Variants in ANKS1B observed in about 807,000 individuals in gnomAD.
The protein encoded by ANKS1B is ankyrin repeat and sterile alpha motif domain-containing protein 1B.
Under a neutral mutation model 148.3 loss-of-function variants are expected in ANKS1B, and 36 were observed. That is an observed-to-expected ratio of 0.24 (90% CI 0.19 to 0.32). ANKS1B has a LOEUF of 0.32. Among genes scored for constraint, ANKS1B ranks in the 10% least tolerant of loss-of-function variants. The pLI is 1.00. For synonymous variants in ANKS1B, 542 were observed against 560.8 expected (o/e 0.97, Z 0.47); for missense variants, 1,157 against 1,542.6 (o/e 0.75, Z 4.19).
intron 12 of ANKS1B, among the ~76,000 whole-genome samples, chr12:99,344,725 T>A (rs530779067): frequency 6.6e-6 from 1 of 152,188 alleles, no homozygotes; most frequent in East Asian, 1.9e-4. Context: ...GCAAATTATA[T>A]TTGCATATGA....
At chr12:99,887,118 G>A (rs34752967) in intron 1 of ANKS1B, among the ~76,000 whole-genome samples, 25,607 of 152,096 alleles carry the variant, frequency 0.17, 2,724 homozygotes, top group Non-Finnish European at 0.24. Flanking sequence ...TCCTTGATGG[G>A]TCAGTAACTG....
At position 99,246,269 on chromosome 12, in the gene ANKS1B, G is replaced by T. The variant is rs2073878540; in HGVS notation, c.2346+6C>A. The T allele has an allele frequency of 5.8e-6, 9 of 1,552,774 alleles. No homozygotes were observed. Among genetic ancestry groups the T allele is most frequent in the Middle Eastern group, 1.7e-4 (1 of 5,786 alleles). On this transcript the variant is annotated splice_donor_region_variant and intron_variant, in intron 13 of 26. Coordinates refer to ENST00000683438, the MANE Select transcript of ANKS1B (RefSeq NM_001352186.2). ...TAGGATGAACAGCAAGAAGAACAAA[G>T]CTTACTTCTTCCCATTCCGATGTGA... is the stretch of plus-strand genomic sequence containing the variant.
At chr12:99,125,207 G>A (rs775130290) in intron 15 of ANKS1B, among the ~76,000 whole-genome samples, 16 of 152,102 alleles carry the variant, frequency 1.1e-4, no homozygotes, top group Admixed American at 8.5e-4. Context: ...GACAAGAGGG[G>A]CCACATAGTT....
chr12:99,806,450 G>T lies in ANKS1B; in HGVS notation c.623C>A (p.Ala208Glu). ...TGCCTCCAGCAGCACCTGCACGACTGCTTTGTGGCCATTGCGCGCAGCAAG... is the reference window on the plus strand; with the variant it reads ...TGCCTCCAGCAGCACCTGCACGACTTCTTTGTGGCCATTGCGCGCAGCAAG... ...LHLAARNGHK[A>E]VVQVLLEAGM... The change falls in exon 4 of 27, where the codon GCA becomes GAA. Residue 208 changes from alanine (A) to glutamate (E), a missense_variant. Ala to Glu is a moderately radical substitution (Grantham distance 107). Coordinates refer to ENST00000683438, the MANE Select transcript of ANKS1B (RefSeq NM_001352186.2). The T allele has an allele frequency of 6.2e-7, 1 of 1,613,978 alleles. No individual in the cohort carries two copies. The highest frequency in any genetic ancestry group is 8.5e-7 in the Non-Finnish European group (1 of 1,179,880).
intron 14 of ANKS1B, among the ~76,000 whole-genome samples, chr12:99,237,883 C>A (rs1398884902): frequency 6.6e-6 from 1 of 152,206 alleles, no homozygotes; most frequent in African/African-American, 2.4e-5. Context: ...TCCCGAGTAC[C>A]TGGGACTACA....
chr12:99,570,324 C>A (rs2097439300), intron 9 of ANKS1B, among the ~76,000 whole-genome samples: 1 of 147,576 alleles, frequency 6.8e-6, no homozygotes, highest in African/African-American at 2.5e-5. Context: ...TGTTCTTGAG[C>A]TTTATAATAC....
intron 11 of ANKS1B, among the ~76,000 whole-genome samples, chr12:99,430,897 G>A (rs1160807864): frequency 1.3e-5 from 2 of 152,124 alleles, no homozygotes; most frequent in Non-Finnish European, 2.9e-5. Flanking sequence ...AAAAAGTATG[G>A]CATTTGGTTT....
intron 22 of ANKS1B, chr12:98,795,100 C>T: frequency 1.8e-6 from 1 of 560,328 alleles, no homozygotes; most frequent in Non-Finnish European, 3.2e-6. Context: ...ATTTTTCCTA[C>T]CTTGCCATCT....
At chr12:99,808,174 G>C (rs1305392443) in intron 3 of ANKS1B, among the ~76,000 whole-genome samples, 1 of 152,052 alleles carries the variant, frequency 6.6e-6, no homozygotes, top group Non-Finnish European at 1.5e-5. Flanking sequence ...ACCGAGAATA[G>C]GGAGTAGCTG....
chr12:99,633,787 C>G (rs528269052), intron 9 of ANKS1B, among the ~76,000 whole-genome samples: 71 of 152,176 alleles, frequency 4.7e-4, no homozygotes, highest in African/African-American at 1.6e-3. Context: ...AACAAATTTA[C>G]AAGAAAAAAA....
At chr12:99,405,498 AT>A in intron 11 of ANKS1B, among the ~76,000 whole-genome samples, 1 of 145,272 alleles carries the variant, frequency 6.9e-6, no homozygotes, top group East Asian at 1.9e-4. Flanking sequence ...ATAAAAAATT[AT>A]TTGCAAGCCT....
At chr12:99,569,081 G>A (rs1031495411) in intron 9 of ANKS1B, among the ~76,000 whole-genome samples, 1 of 152,138 alleles carries the variant, frequency 6.6e-6, no homozygotes, top group Non-Finnish European at 1.5e-5. Context: ...TAGAGAACAT[G>A]GAACAATCTG....
intron 17 of ANKS1B, chr12:98,895,040 G>T: frequency 1.1e-6 from 1 of 900,378 alleles, no homozygotes; most frequent in Non-Finnish European, 1.3e-6. Flanking sequence ...CTCCAGGGCT[G>T]CTGGCTGCGC....
chr12:99,655,593 A>C (rs1299755619), intron 8 of ANKS1B, among the ~76,000 whole-genome samples: 1 of 152,192 alleles, frequency 6.6e-6, no homozygotes, highest in African/African-American at 2.4e-5. Flanking sequence ...ATTTTATTGA[A>C]ATGGGAACTC....
intron 15 of ANKS1B, among the ~76,000 whole-genome samples, chr12:99,146,419 GA>G (rs2073124850): frequency 6.6e-6 from 1 of 152,124 alleles, no homozygotes; most frequent in Admixed American, 6.5e-5. Flanking sequence ...TGCTTAAGCT[GA>G]TTCATGAACA....
chr12:99,716,789 G>A (rs1567705060), intron 8 of ANKS1B, among the ~76,000 whole-genome samples: 2 of 151,828 alleles, frequency 1.3e-5, no homozygotes, highest in African/African-American at 2.4e-5. Flanking sequence ...AACCCCAAGC[G>A]TCGCTGAGTC....
At chr12:98,740,589 T>C (rs950431703), downstream of ANKS1B, among the ~76,000 whole-genome samples, 3 of 152,206 alleles carry the variant, frequency 2.0e-5, no homozygotes, top group Non-Finnish European at 4.4e-5. Context: ...GTGTCTCACA[T>C]GTGTGTGCTT....
At chr12:99,432,808 G>A (rs942970658) in intron 11 of ANKS1B, among the ~76,000 whole-genome samples, 1 of 152,122 alleles carries the variant, frequency 6.6e-6, no homozygotes, top group Admixed American at 6.5e-5. Context: ...CCTAAGGCAG[G>A]AGCTGTTTGG....
intron 8 of ANKS1B, among the ~76,000 whole-genome samples, chr12:99,657,534 C>T (rs547282810): frequency 6.6e-6 from 1 of 152,040 alleles, no homozygotes; most frequent in Admixed American, 6.6e-5. Context: ...TTCATAAATA[C>T]ACACTTCTCA....
Sources: gnomAD v4.1 joint callset for allele counts (sites outside exome capture counted in the v4.1 genomes callset) on GRCh38, gnomAD v4.1.1 for gene constraint, MANE v1.5 for transcripts, NCBI Gene and HGNC (gene_info 2026-07-23, HGNC 2026-07-21) for gene names.